The following DLG2 variants were observed in gnomAD, a reference collection of about 807,000 sequenced individuals.
The protein encoded by DLG2 is disks large homolog 2.
DLG2 carries 45 observed loss-of-function variants against 132.5 expected under a neutral mutation model. That is an observed-to-expected ratio of 0.34 (90% CI 0.27 to 0.44). The LOEUF is 0.44. Ranked by LOEUF, DLG2 falls within the 20% of genes least tolerant of loss-of-function variation. The pLI, the probability that DLG2 is intolerant of heterozygous loss-of-function variation, is 1.00. For synonymous variants in DLG2, 424 were observed against 419.6 expected (o/e 1.01, Z -0.13); for missense variants, 1,045 against 1,196.9 (o/e 0.87, Z 1.87).
At chr11:83,475,929 G>A (rs1008575794) in intron 22 of DLG2, among the ~76,000 whole-genome samples, 3 of 152,078 alleles carry the variant, frequency 2.0e-5, no homozygotes, top group African/African-American at 4.8e-5. Context: ...GCAGCACAGA[G>A]CTGTGTGTGG....
At position 84,534,556 on chromosome 11, in the gene DLG2, G is replaced by A. The variant is rs370929724; in HGVS notation, c.519+14C>T. The A allele has an allele frequency of 3.7e-5, 60 of 1,612,148 alleles. No individual in the cohort carries two copies. Among genetic ancestry groups the A allele is most frequent in the Non-Finnish European group, 5.0e-5 (59 of 1,178,420 alleles). ...TGTCACCAACTATAAAGTCGGAAGA[G>A]CAATATAACTGACCTTCAGAGGAGA... On this transcript the variant is annotated intron_variant, in intron 7 of 27. Transcript: ENST00000376104.
chr11:83,898,495 CT>C (rs1013926439), intron 15 of DLG2, among the ~76,000 whole-genome samples: 2 of 151,900 alleles, frequency 1.3e-5, no homozygotes, highest in Non-Finnish European at 2.9e-5. Context: ...ATAATGGAGA[CT>C]TTTTCTTTTA....
intron 6 of DLG2, among the ~76,000 whole-genome samples, chr11:84,754,320 T>C (rs2066570917): frequency 6.6e-6 from 1 of 152,186 alleles, no homozygotes; most frequent in African/African-American, 2.4e-5. Context: ...TTGAACAGTA[T>C]CCTTTATGGC....
intron 18 of DLG2, among the ~76,000 whole-genome samples, chr11:83,742,403 A>C (rs2092595094): frequency 6.6e-6 from 1 of 152,172 alleles, no homozygotes; most frequent in Non-Finnish European, 1.5e-5. Flanking sequence ...CTAAGGAAAA[A>C]AAATCTATGG....
At chr11:84,483,935 T>C (rs1485798627) in intron 7 of DLG2, among the ~76,000 whole-genome samples, 1 of 152,184 alleles carries the variant, frequency 6.6e-6, no homozygotes, top group Admixed American at 6.5e-5. Flanking sequence ...GTGCATGTCA[T>C]AGCTCTATTC....
intron 3 of DLG2, among the ~76,000 whole-genome samples, chr11:85,348,343 C>T (rs1204979898): frequency 6.6e-6 from 1 of 151,822 alleles, no homozygotes; most frequent in Non-Finnish European, 1.5e-5. Flanking sequence ...CAGCTTCAGC[C>T]TCCTGAGTGG....
chr11:85,352,550 T>A (rs962555117), intron 3 of DLG2, among the ~76,000 whole-genome samples: 1 of 152,210 alleles, frequency 6.6e-6, no homozygotes. Context: ...TTTAGTGCTA[T>A]AAATTTCCCT....
intron 6 of DLG2, among the ~76,000 whole-genome samples, chr11:84,873,909 T>C (rs371326195): frequency 8.5e-5 from 13 of 152,200 alleles, no homozygotes; most frequent in East Asian, 7.7e-4. Context: ...CCACAAGATA[T>C]GGAGCGGAAT....
chr11:83,893,762 A>G (rs894042687), intron 15 of DLG2, among the ~76,000 whole-genome samples: 8 of 152,166 alleles, frequency 5.3e-5, no homozygotes, highest in African/African-American at 1.9e-4. Context: ...CCAGTCAAAA[A>G]TCATTGTTTT....
chr11:85,390,115 T>A (rs1053583654), intron 3 of DLG2, among the ~76,000 whole-genome samples: 1 of 152,086 alleles, frequency 6.6e-6, no homozygotes, highest in South Asian at 2.1e-4. Flanking sequence ...GAAACTCACC[T>A]GACACATAAC....
chr11:84,109,221 A>G (rs1442691525), intron 9 of DLG2, among the ~76,000 whole-genome samples: 1 of 152,182 alleles, frequency 6.6e-6, no homozygotes, highest in African/African-American at 2.4e-5. Context: ...TGGCCAGAAA[A>G]TAGGGTGGGT....
chr11:84,989,516 T>C (rs991762093), intron 6 of DLG2, among the ~76,000 whole-genome samples: 17 of 152,108 alleles, frequency 1.1e-4, no homozygotes, highest in African/African-American at 3.6e-4. Flanking sequence ...ATTCCATGGA[T>C]TGGAAAACTC....
At chr11:83,837,712 T>C (rs1342854268) in intron 16 of DLG2, among the ~76,000 whole-genome samples, 4 of 24,758 alleles carry the variant, frequency 1.6e-4, no homozygotes, top group Non-Finnish European at 2.9e-4. Flanking sequence ...TCTGTCCAAA[T>C]ACATAGCAAG....
chr11:85,269,582 G>C (rs1484697359), intron 4 of DLG2, among the ~76,000 whole-genome samples: 1 of 152,188 alleles, frequency 6.6e-6, no homozygotes, highest in Non-Finnish European at 1.5e-5. Flanking sequence ...AGGTTCTTGA[G>C]AGAATAATGA....
At chr11:84,810,898 A>AGATC (rs1473277295) in intron 6 of DLG2, among the ~76,000 whole-genome samples, 1 of 152,198 alleles carries the variant, frequency 6.6e-6, no homozygotes, top group Non-Finnish European at 1.5e-5. Context: ...AATGGAGAAC[A>AGATC]GATCAGTGGT....
chr11:84,397,221 C>T (rs1465879010), intron 7 of DLG2, among the ~76,000 whole-genome samples: 1 of 152,122 alleles, frequency 6.6e-6, no homozygotes, highest in African/African-American at 2.4e-5. Flanking sequence ...CTACAAAGCC[C>T]TTGCTTCCAA....
intron 10 of DLG2, among the ~76,000 whole-genome samples, chr11:84,088,006 T>G (rs2097020025): frequency 6.6e-6 from 1 of 152,098 alleles, no homozygotes; most frequent in Admixed American, 6.5e-5. Flanking sequence ...GTTGTAGGAG[T>G]TTTATTACAC....
chr11:85,154,730 C>T (rs2152459822), intron 4 of DLG2, 79 bp from the exon 5 acceptor site: 5 of 690,122 alleles, frequency 7.2e-6, no homozygotes, highest in East Asian at 5.7e-5. Flanking sequence ...TGAATATACA[C>T]ATTAAAATAT....
intron 5 of DLG2, among the ~76,000 whole-genome samples, chr11:85,133,899 C>A (rs1366117684): frequency 6.6e-6 from 1 of 152,112 alleles, no homozygotes; most frequent in Non-Finnish European, 1.5e-5. Flanking sequence ...AGGTGCTTGA[C>A]AAGCATCACT....
Sources: allele counts gnomAD v4.1 joint callset (sites outside exome capture counted in the v4.1 genomes callset), GRCh38; gene constraint gnomAD v4.1.1; transcripts MANE v1.5; gene names NCBI Gene and HGNC (gene_info 2026-07-23, HGNC 2026-07-21).